NOS1: variants seen among roughly 807,000 people sequenced by gnomAD.
NOS1 encodes nitric oxide synthase 1, also known as NOS type I.
A neutral mutation model predicts 164.5 loss-of-function variants in NOS1; 51 were observed. The observed-to-expected ratio is 0.31, with a 90% CI of 0.25 to 0.39. The LOEUF (loss-of-function observed/expected upper bound fraction) is 0.39. NOS1 is among the 10% of genes least tolerant of loss of function. The pLI is 1.00. For synonymous variants in NOS1, 719 were observed against 745.8 expected (o/e 0.96, Z 0.59); for missense variants, 1,362 against 1,885.6 (o/e 0.72, Z 5.14).
chr12:117,335,729 T>A (rs1593032290), intron 1 of NOS1, among the ~76,000 whole-genome samples: 5 of 112,602 alleles, frequency 4.4e-5, no homozygotes, highest in South Asian at 3.3e-4. Context: ...ACAGACTATA[T>A]GAGAGAGAGA....
intron 1 of NOS1, among the ~76,000 whole-genome samples, chr12:117,336,534 A>T (rs1875830797): frequency 1.3e-5 from 2 of 152,194 alleles, no homozygotes; most frequent in Admixed American, 1.3e-4. Context: ...TTGACTTTCA[A>T]AGACTAGTAT....
Position 117,243,174 on chromosome 12 carries a change from G to GGA in NOS1, c.2962+121_2962+122dup. The GGA allele has an allele frequency of 1.7e-6, 2 of 1,159,534 alleles. No individual in the cohort carries two copies. The highest frequency in any genetic ancestry group is 2.5e-6 in the Non-Finnish European group (2 of 813,166). 71.8% of individuals were successfully genotyped at this position (1,159,534 alleles called of 1,614,324 possible). A position where few individuals can be genotyped will look rare whatever the true frequency, so the allele number is the denominator to read the frequency against. ...GAGCAGCAAAGTATTCATTTTGGTA[G>GGA]GACTGCACTAAAGGGAGATCAAAGC... On this transcript the variant is annotated intron_variant, in intron 19 of 28. Coordinates refer to ENST00000317775, the MANE Select transcript of NOS1 (RefSeq NM_000620.5). This position sits in a 1 kb window ranked among gnomAD's most constrained non-coding sequence, Gnocchi z 4.3.
intron 2 of NOS1, among the ~76,000 whole-genome samples, chr12:117,322,310 T>TC (rs1356010163): frequency 9.1e-6 from 1 of 110,192 alleles, no homozygotes; most frequent in African/African-American, 3.6e-5. Flanking sequence ...CCTCCCTCTG[T>TC]CCCTCCTCTT....
At chr12:117,247,548 A>G (rs1380522392) in intron 17 of NOS1, 26 bp from the exon 18 acceptor site, 2 of 1,591,472 alleles carry the variant, frequency 1.3e-6, no homozygotes, top group African/African-American at 1.3e-5. Flanking sequence ...CAGAATGTTC[A>G]TGCTAAGGGA....
At chr12:117,313,859 G>C (rs1264422345) in intron 2 of NOS1, among the ~76,000 whole-genome samples, 1 of 152,178 alleles carries the variant, frequency 6.6e-6, no homozygotes, top group African/African-American at 2.4e-5. Context: ...CATGGCCTCT[G>C]TCTGTTCCCT....
At chr12:117,280,968 G>T in intron 7 of NOS1, 102 bp from the exon 8 acceptor site, 2 of 1,368,936 alleles carry the variant, frequency 1.5e-6, no homozygotes, top group Non-Finnish European at 2.0e-6. Flanking sequence ...TTGAGGCTCA[G>T]GGTAGATTAC....
chr12:117,345,352 G>A (rs1194334429), intron 1 of NOS1, among the ~76,000 whole-genome samples: 5 of 151,942 alleles, frequency 3.3e-5, no homozygotes, highest in African/African-American at 1.2e-4. Flanking sequence ...TTGTTATGCT[G>A]GAACTTAACA....
In NOS1 at chr12:117,352,658, T is replaced by C. The variant is rs1344818133; in HGVS notation, c.-421+8854A>G. 2.0e-5 allele frequency among the ~76,000 whole-genome samples: 3 copies of C among 152,034 alleles called. No individual in the cohort carries two copies. In the South Asian group the frequency reaches 6.2e-4, roughly 31 times the overall value. On this transcript the variant is annotated intron_variant, in intron 1 of 28. Transcript: ENST00000317775. ...GGAAAAATGTAAAGAGAAACTGCCA[T>C]GAAAAACAGTGACATTCTGCTAAAC... is the stretch of plus-strand genomic sequence containing the variant.
intron 1 of NOS1, among the ~76,000 whole-genome samples, chr12:117,342,111 CT>C (rs927548021): frequency 2.9e-4 from 44 of 151,774 alleles, no homozygotes; most frequent in African/African-American, 9.4e-4. Flanking sequence ...TACTCTTTTA[CT>C]TTTTTTTTCC....
rs146444017 is a variant in NOS1 at position 117,283,453 on chromosome 12, T to C, written c.1382+1788A>G. Among the ~76,000 whole-genome samples, 22 of 152,300 alleles carry C rather than the reference T, an allele frequency of 1.4e-4. No individual in the cohort carries two copies. The East Asian group carries it at 2.7e-3, about 19-fold the overall frequency. On this transcript the variant is annotated intron_variant, in intron 7 of 28. Transcript: ENST00000317775. ...AAAAGAATCTGCTGAATGTTTTCTT[T>C]AATAGAAGATCTCACAAAGACCCCT...
In NOS1 at chr12:117,219,232, T is replaced by C. The variant is rs141561967; in HGVS notation, c.4170+843A>G. On this transcript the variant is annotated intron_variant, in intron 27 of 28. Transcript: ENST00000317775. The stretch of plus-strand genomic sequence containing the variant: ...TCTTGACCTCGTGATACACCTGCCT[T>C]GGCCTCCCAAAATGTTGAGATTACA... 3.2e-3 allele frequency among the ~76,000 whole-genome samples: 483 copies of C among 152,188 alleles called. 2 individuals are homozygous for C. Among genetic ancestry groups the C allele is most frequent in the African/African-American group, 0.01 (421 of 41,524 alleles).
intron 1 of NOS1, among the ~76,000 whole-genome samples, chr12:117,344,889 A>G (rs181501439): frequency 6.6e-6 from 1 of 152,326 alleles, no homozygotes; most frequent in Non-Finnish European, 1.5e-5. Context: ...TTCACATTAC[A>G]TTTTGGAGAT....
chr12:117,306,259 T>C (rs187539773), intron 3 of NOS1, among the ~76,000 whole-genome samples: 6 of 152,258 alleles, frequency 3.9e-5, no homozygotes, highest in Admixed American at 2.6e-4. Context: ...GATTCAGTCT[T>C]ACCCCCTTTC....
At chr12:117,224,885 C>T in intron 25 of NOS1, 131 bp downstream of exon 25, 2 of 1,190,212 alleles carry the variant, frequency 1.7e-6, no homozygotes, top group Non-Finnish European at 2.5e-6. Flanking sequence ...GCTGGTGCTA[C>T]ACGCCCCAGC....
chr12:117,299,466 A>G (rs761831413), intron 3 of NOS1, among the ~76,000 whole-genome samples: 66 of 151,600 alleles, frequency 4.4e-4, no homozygotes, highest in Admixed American at 3.6e-3. Flanking sequence ...GTGAAACCCC[A>G]CCTCCACTAA....
At chr12:117,349,192 C>T (rs1661253437) in intron 1 of NOS1, among the ~76,000 whole-genome samples, 2 of 152,272 alleles carry the variant, frequency 1.3e-5, no homozygotes, top group African/African-American at 4.8e-5. Flanking sequence ...ATTCTGGATA[C>T]TGCATATAAA....
Position 117,227,565 on chromosome 12 carries a change from A to G in NOS1, c.3482T>C (p.Ile1161Thr). The part of the protein sequence containing the change: ...IVEVLEEFPS[I>T]QMPATLLLTQ... ...CAGGAGCAGGGTGGCCGGCATCTGG[A>G]TAGATGGGAACTCCTCCAGCACCTC... is the stretch of plus-strand genomic sequence containing the variant. The change falls in exon 23 of 29, where the codon ATC (isoleucine) becomes ACC (threonine). Residue 1161 changes from isoleucine to threonine, a missense_variant. Around this residue, in one of 4 missense-constraint regions of NOS1, gnomAD observed 737 missense variants for 1,030.3 expected, o/e 0.72. Transcript: ENST00000317775. 6.2e-7 allele frequency: 1 copy of G among 1,613,790 alleles called. No individual in the cohort carries two copies. Among genetic ancestry groups the G allele is most frequent in the Non-Finnish European group, 8.5e-7 (1 of 1,179,860 alleles).
intron 12 of NOS1, among the ~76,000 whole-genome samples, chr12:117,264,759 G>A (rs921488193): frequency 6.8e-6 from 1 of 146,830 alleles, no homozygotes; most frequent in African/African-American, 2.5e-5. Context: ...CACTCTTGTT[G>A]CCCAGGCTGG....
intron 20 of NOS1, among the ~76,000 whole-genome samples, chr12:117,241,373 G>T (rs1870162871): frequency 6.6e-6 from 1 of 151,158 alleles, no homozygotes; most frequent in Non-Finnish European, 1.5e-5. Context: ...CAATATGCTT[G>T]GTTCACCGGG....
Sources: allele counts gnomAD v4.1 joint callset (sites outside exome capture counted in the v4.1 genomes callset), GRCh38; gene constraint gnomAD v4.1.1; regional missense constraint gnomAD v4.1.1; non-coding constraint Gnocchi (gnomAD v3.1); transcripts MANE v1.5; gene names NCBI Gene and HGNC (gene_info 2026-07-23, HGNC 2026-07-21).